The following SETD3 variants were observed in gnomAD, a reference collection of about 807,000 sequenced individuals.
SETD3 encodes the protein SET domain containing 3, actin N3(tau)-histidine methyltransferase.
Under a neutral mutation model 63.0 loss-of-function variants are expected in SETD3, and 19 were observed. The observed-to-expected ratio is 0.30, with a 90% CI of 0.21 to 0.44. The LOEUF is 0.44. SETD3 is among the 20% of genes least tolerant of loss of function. The pLI is 1.00. For synonymous variants in SETD3, 286 were observed against 264.1 expected (o/e 1.08, Z -0.80); for missense variants, 587 against 728.5 (o/e 0.81, Z 2.24).
intron 4 of SETD3, among the ~76,000 whole-genome samples, chr14:99,459,894 G>T (rs530176499): frequency 7.9e-5 from 12 of 152,318 alleles, no homozygotes; most frequent in Non-Finnish European, 1.3e-4. Context: ...AGCACCCTGA[G>T]ATCTTGGACA....
chr14:99,407,131 G>A (rs1320285624), intron 8 of SETD3, among the ~76,000 whole-genome samples: 1 of 152,188 alleles, frequency 6.6e-6, no homozygotes, highest in Admixed American at 6.5e-5. Context: ...AAACTTTCAA[G>A]CATGCAAAGG....
intron 6 of SETD3, among the ~76,000 whole-genome samples, chr14:99,414,419 T>C (rs922802442): frequency 3.9e-5 from 6 of 152,234 alleles, no homozygotes; most frequent in African/African-American, 1.4e-4. Context: ...CTTTCATTTC[T>C]CTCCGACTTA....
intron 6 of SETD3, among the ~76,000 whole-genome samples, chr14:99,430,479 G>T (rs968481285): frequency 6.6e-6 from 1 of 152,182 alleles, no homozygotes; most frequent in African/African-American, 2.4e-5. Flanking sequence ...AAAAGTCAAA[G>T]GTTTCTGACA....
intron 6 of SETD3, among the ~76,000 whole-genome samples, chr14:99,418,988 T>C (rs1892429752): frequency 6.6e-6 from 1 of 152,202 alleles, no homozygotes; most frequent in African/African-American, 2.4e-5. Flanking sequence ...GTCTTCTAAG[T>C]GGATATAATA....
At position 99,401,138 on chromosome 14, in the gene SETD3, C is replaced by CA. The variant is rs34590578; in HGVS notation, c.1178-880dup. On this transcript the variant is annotated intron_variant, in intron 11 of 12. Transcript: ENST00000331768. Reference sequence around the variant, plus strand: ...TGGGCAACCAAGTGAGACCCTGTCTCAAAAAAAAAAAAAAAAAATTCTCAG... The same window carrying CA: ...TGGGCAACCAAGTGAGACCCTGTCTCAAAAAAAAAAAAAAAAAAATTCTCAG... Among the ~76,000 whole-genome samples the CA allele has an allele frequency of 5.0e-3, 457 of 90,606 alleles. 1 individual carries two copies. The highest frequency in any genetic ancestry group is 0.015 in the Middle Eastern group (2 of 130). 59.4% of individuals were successfully genotyped at this position (90,606 alleles called of 152,430 possible).
chr14:99,405,366 G>A lies in SETD3; in HGVS notation c.930C>T (p.Tyr310=). 1 of 1,608,576 alleles carries A rather than the reference G, an allele frequency of 6.2e-7. No individual in the cohort carries two copies. The highest frequency in any genetic ancestry group is 8.5e-7 in the Non-Finnish European group (1 of 1,178,574). The change falls in exon 10 of 13, where the codon TAC becomes TAT. Residue 310 remains tyrosine, a synonymous_variant. Coordinates refer to ENST00000331768, the MANE Select transcript of SETD3 (RefSeq NM_032233.3). ...CGTTGGATCGAGTGCCATAAAAAAT[G>A]TAAATCTGAGATGCAGTAAAGAAAA... ...LQDFRAGEQI[Y]IFYGTRSNAE...
At chr14:99,426,539 A>G (rs1303768828) in intron 6 of SETD3, among the ~76,000 whole-genome samples, 1 of 152,212 alleles carries the variant, frequency 6.6e-6, no homozygotes, top group Non-Finnish European at 1.5e-5. Flanking sequence ...AAGGGGACCC[A>G]GCAGAGAGAG....
At chr14:99,473,923 T>C (rs1258671825) in intron 1 of SETD3, among the ~76,000 whole-genome samples, 2 of 152,238 alleles carry the variant, frequency 1.3e-5, no homozygotes, top group African/African-American at 4.8e-5. Context: ...CAGAAACGTG[T>C]TCTGGCTTTG....
At chr14:99,433,495 T>C (rs1418655547) in intron 6 of SETD3, among the ~76,000 whole-genome samples, 1 of 152,092 alleles carries the variant, frequency 6.6e-6, no homozygotes, top group African/African-American at 2.4e-5. Flanking sequence ...TGGAGTGTAG[T>C]GGTGCGATCT....
intron 6 of SETD3, among the ~76,000 whole-genome samples, chr14:99,426,278 T>C (rs761405219): frequency 6.6e-6 from 1 of 152,006 alleles, no homozygotes; most frequent in Non-Finnish European, 1.5e-5. Flanking sequence ...TGCTCCTGAG[T>C]TGCTTCATGG....
At chr14:99,442,983 T>C (rs1212575017) in intron 6 of SETD3, among the ~76,000 whole-genome samples, 1 of 152,210 alleles carries the variant, frequency 6.6e-6, no homozygotes, top group African/African-American at 2.4e-5. Context: ...GACGCTGATG[T>C]TGTGGCACAG....
chr14:99,435,990 G>A (rs561383366), intron 6 of SETD3, among the ~76,000 whole-genome samples: 1 of 152,220 alleles, frequency 6.6e-6, no homozygotes, highest in South Asian at 2.1e-4. Flanking sequence ...GAGGCCTCAG[G>A]AAACTCACAA....
At chr14:99,404,939 C>T (rs1393051261) in intron 10 of SETD3, among the ~76,000 whole-genome samples, 2 of 152,096 alleles carry the variant, frequency 1.3e-5, no homozygotes, top group Non-Finnish European at 2.9e-5. Context: ...ATGAATGATA[C>T]GAAAGTAGTT....
intron 8 of SETD3, among the ~76,000 whole-genome samples, chr14:99,408,223 A>G (rs1891790853): frequency 2.0e-5 from 3 of 152,220 alleles, no homozygotes; most frequent in African/African-American, 7.2e-5. Context: ...TTTATTAACC[A>G]TATGTCTAAA....
chr14:99,464,194 C>A (rs1397113044), intron 2 of SETD3, among the ~76,000 whole-genome samples: 3 of 152,178 alleles, frequency 2.0e-5, no homozygotes. Context: ...AACCAAAAGA[C>A]CAACACCCGA....
intron 1 of SETD3, among the ~76,000 whole-genome samples, chr14:99,469,890 C>A (rs1384133678): frequency 2.6e-5 from 4 of 152,350 alleles, no homozygotes; most frequent in Middle Eastern, 3.4e-3. Context: ...CAGTCCTTCC[C>A]CCAGTAGCCC....
intron 6 of SETD3, among the ~76,000 whole-genome samples, chr14:99,452,349 C>T (rs1441050118): frequency 2.0e-5 from 3 of 152,232 alleles, no homozygotes; most frequent in African/African-American, 7.2e-5. Context: ...TCGTGATCTG[C>T]CTGCCTCGGC....
At position 99,465,756 on chromosome 14, in the gene SETD3, G is replaced by A. The variant is rs1566731852; in HGVS notation, c.50C>T (p.Thr17Ile). 1 of 1,614,088 alleles carries A rather than the reference G, an allele frequency of 6.2e-7. No individual in the cohort carries two copies. Residue 17 changes from threonine to isoleucine, a missense_variant, in exon 2 of 13, where the codon ACA (threonine) becomes ATA (isoleucine). Coordinates refer to ENST00000331768, the MANE Select transcript of SETD3 (RefSeq NM_032233.3). ...GATTTCCTTTGGTGACACAGTTGCTGTAGCACCAGTGCCAGATTTCTGAGT... is the reference window on the plus strand; with the variant it reads ...GATTTCCTTTGGTGACACAGTTGCTATAGCACCAGTGCCAGATTTCTGAGT... ...VKTQKSGTGA[T>I]ATVSPKEILN...
intron 1 of SETD3, among the ~76,000 whole-genome samples, chr14:99,478,095 C>T (rs1340436872): frequency 2.0e-5 from 3 of 151,848 alleles, no homozygotes; most frequent in Non-Finnish European, 2.9e-5. Context: ...AAAAGATGCA[C>T]GGCTAATCAA....
Sources: allele counts gnomAD v4.1 joint callset (sites outside exome capture counted in the v4.1 genomes callset), GRCh38; gene constraint gnomAD v4.1.1; transcripts MANE v1.5; gene names NCBI Gene and HGNC (gene_info 2026-07-23, HGNC 2026-07-21).